Variants in ZNF407 observed in about 807,000 individuals in gnomAD.
ZNF407 encodes zinc finger protein 407.
ZNF407 carries 17 observed loss-of-function variants against 131.2 expected under a neutral mutation model. The ratio of observed to expected loss-of-function variants is 0.13; its 90% confidence interval spans 0.09 to 0.19. The LOEUF (loss-of-function observed/expected upper bound fraction) is 0.19. Ranked by LOEUF, ZNF407 falls within the 10% of genes least tolerant of loss-of-function variation. The pLI is 1.00. For synonymous variants in ZNF407, 1,156 were observed against 1,062.0 expected (o/e 1.09, Z -1.72); for missense variants, 2,681 against 2,830.6 (o/e 0.95, Z 1.20).
chr18:74,668,249 G>A (rs777545642), intron 3 of ZNF407, among the ~76,000 whole-genome samples: 2 of 152,136 alleles, frequency 1.3e-5, no homozygotes, highest in Non-Finnish European at 2.9e-5. Context: ...TTGGCTTCAG[G>A]CTATGTGTAT....
intron 3 of ZNF407, among the ~76,000 whole-genome samples, chr18:74,720,835 G>T (rs1281059245): frequency 1.3e-5 from 2 of 151,800 alleles, no homozygotes; most frequent in African/African-American, 4.8e-5. Context: ...CTGTTCCATT[G>T]GTCTGTGTGT....
intron 4 of ZNF407, among the ~76,000 whole-genome samples, chr18:74,849,052 C>CTTTTTTTTTTTTTTTTTTTTTTT (rs35529971): frequency 2.4e-5 from 3 of 122,938 alleles, no homozygotes; most frequent in Non-Finnish European, 3.3e-5. Flanking sequence ...ACTTTTGTTT[C>CTTTTTTTTTTTTTTTTTTTTTTT]TTTTTTTTTT....
intron 3 of ZNF407, among the ~76,000 whole-genome samples, chr18:74,777,037 C>T (rs1401123204): frequency 6.6e-6 from 1 of 152,074 alleles, no homozygotes; most frequent in Non-Finnish European, 1.5e-5. Context: ...TTGTGCAGTT[C>T]AGACTCGTGT....
chr18:74,843,841 C>A (rs527409545), intron 4 of ZNF407, among the ~76,000 whole-genome samples: 19 of 152,178 alleles, frequency 1.2e-4, no homozygotes, highest in African/African-American at 4.1e-4. Flanking sequence ...TTTATCATAA[C>A]CTCATATAGT....
chr18:75,038,739 G>T (rs1973339157), intron 8 of ZNF407, among the ~76,000 whole-genome samples: 1 of 152,174 alleles, frequency 6.6e-6, no homozygotes, highest in African/African-American at 2.4e-5. Context: ...AAACTTAGGA[G>T]TTAAACGTGT....
intron 3 of ZNF407, among the ~76,000 whole-genome samples, chr18:74,767,278 AC>A (rs1969256389): frequency 6.6e-6 from 1 of 152,190 alleles, no homozygotes. Context: ...TTAGTTTATT[AC>A]AAATTGTTAT....
chr18:74,907,794 G>A (rs1020348023), intron 7 of ZNF407, among the ~76,000 whole-genome samples: 17 of 152,176 alleles, frequency 1.1e-4, no homozygotes, highest in African/African-American at 4.1e-4. Context: ...TTTCAAGGGT[G>A]TGTGTATATT....
chr18:75,040,426 A>C (rs2122239310), intron 8 of ZNF407, among the ~76,000 whole-genome samples: 1 of 152,310 alleles, frequency 6.6e-6, no homozygotes, highest in East Asian at 1.9e-4. Flanking sequence ...TGTGTTCAAA[A>C]TGGGGTGGAA....
At chr18:74,687,003 T>A (rs1156870466) in intron 3 of ZNF407, among the ~76,000 whole-genome samples, 1 of 152,162 alleles carries the variant, frequency 6.6e-6, no homozygotes, top group Admixed American at 6.6e-5. Flanking sequence ...AAAATGCTGG[T>A]TCTCATGGAA....
At chr18:74,977,464 G>A (rs1052552112) in intron 8 of ZNF407, among the ~76,000 whole-genome samples, 1 of 152,194 alleles carries the variant, frequency 6.6e-6, no homozygotes, top group African/African-American at 2.4e-5. Flanking sequence ...ATGTTTCATG[G>A]CGATGTTTAG....
At chr18:74,694,298 G>A (rs556592559) in intron 3 of ZNF407, among the ~76,000 whole-genome samples, 6 of 152,238 alleles carry the variant, frequency 3.9e-5, no homozygotes, top group Admixed American at 6.5e-5. Context: ...TGACCGTTTC[G>A]TGTCTCTTCC....
chr18:75,030,673 A>G (rs911349935), intron 8 of ZNF407, among the ~76,000 whole-genome samples: 1 of 152,166 alleles, frequency 6.6e-6, no homozygotes, highest in Non-Finnish European at 1.5e-5. Flanking sequence ...GTGGCCACAG[A>G]AGGCATTTAG....
At chr18:74,947,009 G>A (rs1445607054) in intron 8 of ZNF407, among the ~76,000 whole-genome samples, 1 of 152,120 alleles carries the variant, frequency 6.6e-6, no homozygotes, top group African/African-American at 2.4e-5. Context: ...TGAAGTGAGG[G>A]TTTCTAGTCT....
intron 3 of ZNF407, among the ~76,000 whole-genome samples, chr18:74,665,207 G>A (rs1351008301): frequency 6.6e-6 from 1 of 152,232 alleles, no homozygotes; most frequent in Non-Finnish European, 1.5e-5. Context: ...AGTGGCTTTA[G>A]TGTACATTTA....
At position 75,052,767 on chromosome 18, in the gene ZNF407, G is replaced by T. The variant is rs1973516826; in HGVS notation, c.5429-10383G>T. Reference sequence around the variant, plus strand: ...CCCACACAAAGTGCCTTCTGGGGGTGCCTGTGCGGCACCCGGTACACAGCT... The same window carrying T: ...CCCACACAAAGTGCCTTCTGGGGGTTCCTGTGCGGCACCCGGTACACAGCT... On this transcript the variant is annotated intron_variant, in intron 8 of 8. Transcript: ENST00000299687. Among the ~76,000 whole-genome samples, 3 of 152,272 alleles carry T rather than the reference G, an allele frequency of 2.0e-5. No individual in the cohort carries two copies. In the South Asian group the frequency reaches 6.2e-4, roughly 32 times the overall value.
intron 3 of ZNF407, among the ~76,000 whole-genome samples, chr18:74,662,706 A>T (rs1264187737): frequency 6.6e-6 from 1 of 152,236 alleles, no homozygotes; most frequent in Non-Finnish European, 1.5e-5. Flanking sequence ...CAGTAGGATC[A>T]TGGATTTGTT....
chr18:74,769,084 C>T (rs577323459), intron 3 of ZNF407, among the ~76,000 whole-genome samples: 7 of 152,252 alleles, frequency 4.6e-5, no homozygotes, highest in East Asian at 1.9e-4. Context: ...AGTAAGTCTT[C>T]GCCTTACCTC....
intron 3 of ZNF407, 28 bp downstream of exon 3, chr18:74,641,150 C>T (rs1410419618): frequency 5.8e-6 from 9 of 1,553,266 alleles, no homozygotes; most frequent in East Asian, 2.2e-5. Context: ...ATCTCTGCTG[C>T]GTGAACCAGG....
intron 4 of ZNF407, among the ~76,000 whole-genome samples, chr18:74,819,481 C>T (rs1171840548): frequency 6.6e-6 from 1 of 152,112 alleles, no homozygotes; most frequent in Non-Finnish European, 1.5e-5. Flanking sequence ...ACATGATCAC[C>T]CCAATGTCTT....
Sources: allele counts gnomAD v4.1 joint callset (sites outside exome capture counted in the v4.1 genomes callset), GRCh38; gene constraint gnomAD v4.1.1; transcripts MANE v1.5; gene names NCBI Gene and HGNC (gene_info 2026-07-23, HGNC 2026-07-21).